Variants in NTN1 observed in about 807,000 individuals in gnomAD.
NTN1 encodes netrin 1, also known as netrin-1.
Under a neutral mutation model 54.2 loss-of-function variants are expected in NTN1, and 11 were observed. That is an observed-to-expected ratio of 0.20 (90% CI 0.13 to 0.34). NTN1 has a LOEUF of 0.34. NTN1 is among the 10% of genes least tolerant of loss of function. The probability of loss-of-function intolerance (pLI) is 1.00; values close to 1 mark genes in which losing one functional copy is unlikely to be tolerated. For missense variants in NTN1, 740 were observed against 893.1 expected (o/e 0.83, Z 2.18); for synonymous variants, 371 against 382.0 (o/e 0.97, Z 0.33).
At chr17:9,170,578 G>T (rs2092384698) in intron 3 of NTN1, among the ~76,000 whole-genome samples, 1 of 152,174 alleles carries the variant, frequency 6.6e-6, no homozygotes, top group Non-Finnish European at 1.5e-5. Context: ...CCATGCTTTG[G>T]GAGCAAAGAT....
At chr17:9,090,183 C>A (rs1229725033) in intron 2 of NTN1, among the ~76,000 whole-genome samples, 1 of 140,600 alleles carries the variant, frequency 7.1e-6, no homozygotes, top group Non-Finnish European at 1.6e-5. Flanking sequence ...TTTTCTTTTT[C>A]TTTTTTTTTT....
At chr17:9,228,146 G>C (rs1905664161) in intron 6 of NTN1, among the ~76,000 whole-genome samples, 1 of 152,158 alleles carries the variant, frequency 6.6e-6, no homozygotes, top group South Asian at 2.1e-4. Context: ...AGAAGGAGGG[G>C]GTGTGGCCGG....
chr17:9,198,832 C>A (rs573358271), intron 5 of NTN1, among the ~76,000 whole-genome samples: 1 of 152,290 alleles, frequency 6.6e-6, no homozygotes, highest in African/African-American at 2.4e-5. Context: ...GTAGACCTCC[C>A]AGAGAGACTT....
chr17:9,038,273 A>ACACACACACACACACACACACACACAC (rs2091910150), intron 2 of NTN1, among the ~76,000 whole-genome samples: 1 of 150,258 alleles, frequency 6.7e-6, no homozygotes, highest in Admixed American at 6.6e-5. Context: ...CTCCACACAC[A>ACACACACACACACACACACACACACAC]CACACACCTG....
At chr17:9,062,272 C>T (rs1205352429) in intron 2 of NTN1, among the ~76,000 whole-genome samples, 1 of 152,198 alleles carries the variant, frequency 6.6e-6, no homozygotes, top group Non-Finnish European at 1.5e-5. Flanking sequence ...TTTTTATTCC[C>T]CTTTCTGGGC....
chr17:9,033,475 A>C (rs2091893755), intron 2 of NTN1, among the ~76,000 whole-genome samples: 1 of 152,214 alleles, frequency 6.6e-6, no homozygotes, highest in African/African-American at 2.4e-5. Context: ...TGATCTGTAG[A>C]AAGTACTTAG....
At chr17:9,004,542 G>C in the NTN1 span, among the ~76,000 whole-genome samples, 1 of 152,254 alleles carries the variant, frequency 6.6e-6, no homozygotes, top group African/African-American at 2.4e-5. Context: ...TACGGAGTTT[G>C]AATGCTGGGG....
At chr17:9,033,160 G>T (rs959019922) in intron 2 of NTN1, among the ~76,000 whole-genome samples, 1 of 151,942 alleles carries the variant, frequency 6.6e-6, no homozygotes, top group Non-Finnish European at 1.5e-5. Flanking sequence ...CACCATGTTG[G>T]CCAGGCTCGT....
upstream of NTN1, among the ~76,000 whole-genome samples, chr17:9,020,175 A>T (rs1477895506): frequency 6.6e-6 from 1 of 152,238 alleles, no homozygotes; most frequent in Admixed American, 6.5e-5. Flanking sequence ...CCAATAAGAC[A>T]AACTGAGGCA....
At chr17:9,039,289 A>G (rs187436180) in intron 2 of NTN1, among the ~76,000 whole-genome samples, 4 of 152,206 alleles carry the variant, frequency 2.6e-5, no homozygotes, top group Non-Finnish European at 4.4e-5. Flanking sequence ...TACAAATGCC[A>G]TTAGTAATTT....
intron 2 of NTN1, among the ~76,000 whole-genome samples, chr17:9,157,211 C>T (rs2067421818): frequency 6.6e-6 from 1 of 152,272 alleles, no homozygotes; most frequent in South Asian, 2.1e-4. Flanking sequence ...AGATTAGTCC[C>T]ACTTGATCAG....
At chr17:9,218,393 C>T (rs1042320776) in intron 5 of NTN1, among the ~76,000 whole-genome samples, 1 of 152,214 alleles carries the variant, frequency 6.6e-6, no homozygotes, top group Admixed American at 6.5e-5. Flanking sequence ...TCATTAGTTT[C>T]GTGAGAGTAG....
Position 9,060,053 on chromosome 17 carries a change from C to T in NTN1, c.1018+36662C>T, listed in dbSNP as rs115620162. ...GTACATATCTATGCAAAATACTAGC[C>T]ATTATCATTAGAGTAGGATACATAA... On this transcript the variant is annotated intron_variant, in intron 2 of 6. Transcript: ENST00000173229. Among the ~76,000 whole-genome samples the T allele has an allele frequency of 2.8e-3, 428 of 152,202 alleles. 5 individuals are homozygous for T. Among genetic ancestry groups the T allele is most frequent in the African/African-American group, 9.7e-3 (402 of 41,512 alleles).
rs1398955909 is a variant in NTN1 at position 9,149,252 on chromosome 17, A to C, written c.1019-13561A>C. Among the ~76,000 whole-genome samples the C allele has an allele frequency of 1.3e-3, 189 of 148,486 alleles. 2 individuals are homozygous for C. The highest frequency in any genetic ancestry group is 3.4e-3 in the Middle Eastern group (1 of 290). On this transcript the variant is annotated intron_variant, in intron 2 of 6. Coordinates refer to ENST00000173229, the MANE Select transcript of NTN1 (RefSeq NM_004822.3). ...CTCTAGGGAAAAGAGATTGGAAGGAACCCCCCCCACACCCCCACACACACC... is the reference window on the plus strand; with the variant it reads ...CTCTAGGGAAAAGAGATTGGAAGGACCCCCCCCCACACCCCCACACACACC...
chr17:9,016,703 C>G (rs1012801035), upstream of NTN1, among the ~76,000 whole-genome samples: 4 of 152,186 alleles, frequency 2.6e-5, no homozygotes, highest in Non-Finnish European at 5.9e-5. Flanking sequence ...TTCCTTCTTT[C>G]TTTGGCATTG....
At chr17:9,044,291 A>G (rs1490316543) in intron 2 of NTN1, among the ~76,000 whole-genome samples, 1 of 151,176 alleles carries the variant, frequency 6.6e-6, no homozygotes, top group Non-Finnish European at 1.5e-5. Flanking sequence ...CTGGAGTGCA[A>G]TGGCGCGATC....
rs1567750732 is a variant in NTN1, at chr17:9,240,849, T to G, written c.*881T>G. ...CACCGCCTCATGCTGGAGCTGCCTG[T>G]TGGAGGAGGCATCGCAAACGCAAAA... On this transcript the variant is annotated 3_prime_UTR_variant, in exon 7 of 7. Transcript: ENST00000173229. The G allele has an allele frequency of 6.6e-6, 1 of 152,258 alleles. No individual in the cohort carries two copies. 9.4% of individuals were successfully genotyped at this position (152,258 alleles called of 1,614,324 possible).
At chr17:9,114,166 A>ATATATATATATATATATATAT (rs59456522) in intron 2 of NTN1, among the ~76,000 whole-genome samples, 56 of 74,526 alleles carry the variant, frequency 7.5e-4, no homozygotes, top group Non-Finnish European at 1.1e-3. Context: ...AAAAAAAAAA[A>ATATATATATATATATATATAT]ATATATATAT....
chr17:9,072,094 G>A (rs933948199), intron 2 of NTN1, among the ~76,000 whole-genome samples: 1 of 152,190 alleles, frequency 6.6e-6, no homozygotes, highest in Non-Finnish European at 1.5e-5. Flanking sequence ...CACAGCTGAG[G>A]TCTGGCAAGA....
Sources: gnomAD v4.1 joint callset for allele counts (sites outside exome capture counted in the v4.1 genomes callset) on GRCh38, gnomAD v4.1.1 for gene constraint, MANE v1.5 for transcripts, NCBI Gene and HGNC (gene_info 2026-07-23, HGNC 2026-07-21) for gene names.